Variants in PFKFB3 observed in about 807,000 individuals in gnomAD.
PFKFB3 encodes 6-phosphofructo-2-kinase/fructose-2,6-bisphosphatase 3.
PFKFB3 carries 33 observed loss-of-function variants against 68.0 expected under a neutral mutation model. The observed-to-expected ratio is 0.49, with a 90% CI of 0.37 to 0.65. PFKFB3 has a LOEUF of 0.65. Among genes scored for constraint, PFKFB3 ranks in the 30% least tolerant of loss-of-function variants. The pLI, the probability that PFKFB3 is intolerant of heterozygous loss-of-function variation, is 0.00. For missense variants in PFKFB3, 586 were observed against 712.2 expected, an observed-to-expected ratio of 0.82 and a Z score of 2.02; for synonymous variants, 315 against 288.2, an observed-to-expected ratio of 1.09 and a Z score of -0.94.
intron 1 of PFKFB3, among the ~76,000 whole-genome samples, chr10:6,192,139 T>TACACACACACAC (rs60638987): frequency 0.015 from 1,770 of 119,104 alleles, 60 homozygotes; most frequent in Admixed American, 0.045. Flanking sequence ...CATTCCCCAA[T>TACACACACACAC]ACACACACAC....
At chr10:6,166,631 C>A (rs1454056919) in intron 1 of PFKFB3, among the ~76,000 whole-genome samples, 1 of 152,128 alleles carries the variant, frequency 6.6e-6, no homozygotes, top group African/African-American at 2.4e-5. Context: ...TTCTCTCAGA[C>A]GGAGGCAGCC....
At chr10:6,221,304 G>A in intron 8 of PFKFB3, 77 bp from the exon 9 acceptor site, 2 of 1,566,542 alleles carry the variant, frequency 1.3e-6, no homozygotes, top group Middle Eastern at 1.7e-4. Context: ...GCCCTACGTG[G>A]GCTGCCTGCT....
intron 14 of PFKFB3, among the ~76,000 whole-genome samples, chr10:6,246,977 C>G (rs1370627267): frequency 1.3e-5 from 2 of 152,228 alleles, no homozygotes; most frequent in Non-Finnish European, 2.9e-5. Flanking sequence ...CGCCCTTGCC[C>G]TGTGGGTCTG....
exon 1 of PFKFB3, chr10:6,144,992 G>A (rs1226862636): frequency 4.5e-6 from 6 of 1,319,452 alleles, no homozygotes; most frequent in South Asian, 3.9e-5. Flanking sequence ...GAGCGCCCCC[G>A]GCGCGATGCC....
intron 14 of PFKFB3, among the ~76,000 whole-genome samples, chr10:6,246,317 ATTTAT>A (rs1470027973): frequency 2.0e-5 from 3 of 148,870 alleles, no homozygotes; most frequent in South Asian, 4.2e-4. Context: ...TTTTATTTTT[ATTTAT>A]TTTATTTATT....
chr10:6,292,492 T>A, the PFKFB3 span, among the ~76,000 whole-genome samples: 9 of 151,512 alleles, frequency 5.9e-5, no homozygotes, highest in Admixed American at 4.6e-4. Context: ...TCACCATCTC[T>A]ACTAGCCAGG....
chr10:6,274,909 G>A, the PFKFB3 span, among the ~76,000 whole-genome samples: 1 of 151,900 alleles, frequency 6.6e-6, no homozygotes, highest in African/African-American at 2.4e-5. Context: ...ACTGGTGACC[G>A]ACACAGAGGC....
chr10:6,323,326 T>A, the PFKFB3 span, among the ~76,000 whole-genome samples: 19 of 152,194 alleles, frequency 1.2e-4, no homozygotes, highest in African/African-American at 4.3e-4. Context: ...AAAGCTGATG[T>A]TGTAACTCCC....
chr10:6,231,608 C>G lies in PFKFB3; in HGVS notation c.1516-1287C>G, dbSNP rs976967304. The G allele has an allele frequency of 4.1e-6, 4 of 984,252 alleles. No homozygotes were observed. In the East Asian group the frequency reaches 4.5e-4, roughly 112 times the overall value. 61.0% of individuals were successfully genotyped at this position (984,252 alleles called of 1,614,324 possible). Reference sequence around the variant, plus strand: ...AGCTGTGGGCTGGTGGTGTTGAGGACAGGTTGGAGCCAGCAGATGCGGAGG... The same window carrying G: ...AGCTGTGGGCTGGTGGTGTTGAGGAGAGGTTGGAGCCAGCAGATGCGGAGG... On this transcript the variant is annotated intron_variant, in intron 14 of 14. Transcript: ENST00000379775.
intron 13 of PFKFB3, among the ~76,000 whole-genome samples, chr10:6,225,573 G>GC (rs1352706681): frequency 6.6e-6 from 1 of 152,234 alleles, no homozygotes; most frequent in Non-Finnish European, 1.5e-5. Flanking sequence ...GAGGCTGGAG[G>GC]CCCACACCCC....
intron 1 of PFKFB3, among the ~76,000 whole-genome samples, chr10:6,204,840 G>T (rs1001928987): frequency 2.6e-5 from 4 of 152,246 alleles, no homozygotes; most frequent in African/African-American, 9.6e-5. Context: ...AAACTGCATT[G>T]GAGGCTAGTC....
chr10:6,262,623 A>G, the PFKFB3 span, among the ~76,000 whole-genome samples: 2 of 152,162 alleles, frequency 1.3e-5, no homozygotes, highest in Non-Finnish European at 1.5e-5. Context: ...GTCATGGTCA[A>G]GTTAGGAAAA....
intron 1 of PFKFB3, chr10:6,146,114 C>G: frequency 1.9e-6 from 1 of 530,052 alleles, no homozygotes; most frequent in Non-Finnish European, 2.4e-6. Flanking sequence ...CCTGGGCACA[C>G]TAAGGACGTT....
At chr10:6,162,592 A>G (rs904360097) in intron 1 of PFKFB3, among the ~76,000 whole-genome samples, 2 of 152,170 alleles carry the variant, frequency 1.3e-5, no homozygotes, top group African/African-American at 2.4e-5. Context: ...CATCATCATT[A>G]TTAATAGTAG....
the PFKFB3 span, among the ~76,000 whole-genome samples, chr10:6,302,381 T>C: frequency 1.7e-5 from 2 of 119,450 alleles, no homozygotes; most frequent in African/African-American, 6.7e-5. Flanking sequence ...TTTTTTTTTT[T>C]TTTTTTTTTT....
the PFKFB3 span, chr10:6,294,744 T>G: frequency 6.5e-6 from 1 of 154,020 alleles, no homozygotes; most frequent in African/African-American, 2.4e-5. Flanking sequence ...CCAGTCATTC[T>G]GCATAAGTAA....
intron 13 of PFKFB3, among the ~76,000 whole-genome samples, chr10:6,225,647 G>A (rs1845291434): frequency 6.6e-6 from 1 of 152,198 alleles, no homozygotes; most frequent in Admixed American, 6.5e-5. Flanking sequence ...GCTTCCTGCT[G>A]CACATTTTCT....
intron 1 of PFKFB3, among the ~76,000 whole-genome samples, chr10:6,171,280 C>G: frequency 6.6e-6 from 1 of 152,168 alleles, no homozygotes; most frequent in Non-Finnish European, 1.5e-5. Flanking sequence ...GTCTTGAACT[C>G]CCGACCTCAG....
chr10:6,277,265 G>T, the PFKFB3 span, among the ~76,000 whole-genome samples: 1,211 of 149,734 alleles, frequency 8.1e-3, 19 homozygotes, highest in African/African-American at 0.029. Flanking sequence ...ACAGAGTATC[G>T]CTCTTTCACC....
Sources: allele counts gnomAD v4.1 joint callset (sites outside exome capture counted in the v4.1 genomes callset), GRCh38; gene constraint gnomAD v4.1.1; transcripts MANE v1.5; gene names NCBI Gene and HGNC (gene_info 2026-07-23, HGNC 2026-07-21).